The following EBAG9 variants were observed in gnomAD, a reference collection of about 807,000 sequenced individuals.
EBAG9 encodes the protein estrogen receptor binding site associated antigen 9, also known as receptor-binding cancer antigen expressed on SiSo cells.
In EBAG9, 16 loss-of-function variants were observed where a neutral mutation model predicts 30.9. The observed-to-expected ratio is 0.52, with a 90% confidence interval of 0.35 to 0.79. The LOEUF (loss-of-function observed/expected upper bound fraction) is 0.79. Among genes scored for constraint, EBAG9 ranks in the 30% least tolerant of loss-of-function variants. EBAG9 has a pLI of 0.01. For missense variants in EBAG9, 197 were observed against 242.1 expected, an observed-to-expected ratio of 0.81 and a Z score of 1.24; for synonymous variants, 93 against 82.8, an observed-to-expected ratio of 1.12 and a Z score of -0.67.
intron 1 of EBAG9, among the ~76,000 whole-genome samples, chr8:109,544,072 A>T (rs116220640): frequency 8.2e-4 from 123 of 150,878 alleles, no homozygotes; most frequent in African/African-American, 2.9e-3. Context: ...TAGTACAGGG[A>T]TGGTGTATTT....
Position 109,564,998 on chromosome 8 carries a change from A to G in EBAG9, c.*439A>G, listed in dbSNP as rs1443315258. 3.3e-5 allele frequency: 5 copies of G among 152,582 alleles called. No individual in the cohort carries two copies. Among genetic ancestry groups the G allele is most frequent in the Non-Finnish European group, 7.3e-5 (5 of 68,040 alleles). 9.5% of individuals were successfully genotyped at this position (152,582 alleles called of 1,614,324 possible). On this transcript the variant is annotated 3_prime_UTR_variant, in exon 7 of 7. Transcript: ENST00000337573. ...TCCATGGTTACCTGACCTAAATTAG[A>G]TAAATTGTAGGGCTTTAGCTTTCTT...
chr8:109,560,711 A>G lies in EBAG9; in HGVS notation c.430-127A>G, dbSNP rs908901035. 6.0e-6 allele frequency: 4 copies of G among 662,264 alleles called. No individual in the cohort carries two copies. The African/African-American group carries it at 7.3e-5, about 12-fold the overall frequency. 41.0% of individuals were successfully genotyped at this position (662,264 alleles called of 1,614,324 possible). ...ATCTGTGCCTTGTATAGGACAGGGT[A>G]AGGAAGCTGAGAAGACATAGGAGAA... On this transcript the variant is annotated intron_variant, in intron 5 of 6. Coordinates refer to ENST00000337573, the MANE Select transcript of EBAG9 (RefSeq NM_004215.5).
At chr8:109,541,281 G>A (rs1821269366) in intron 1 of EBAG9, among the ~76,000 whole-genome samples, 1 of 148,320 alleles carries the variant, frequency 6.7e-6, no homozygotes, top group African/African-American at 2.6e-5. Flanking sequence ...AGTAGCGTAA[G>A]ATACTTATCA....
At chr8:109,546,823 A>G (rs554082041) in intron 1 of EBAG9, among the ~76,000 whole-genome samples, 1 of 152,224 alleles carries the variant, frequency 6.6e-6, no homozygotes, top group East Asian at 1.9e-4. Flanking sequence ...CATTCAGTAT[A>G]ATTATTCTGA....
chr8:109,552,081 T>A (rs753726850), intron 2 of EBAG9, among the ~76,000 whole-genome samples: 73 of 152,050 alleles, frequency 4.8e-4, no homozygotes, highest in Non-Finnish European at 9.0e-4. Flanking sequence ...GCTCTTTTTT[T>A]AATATATATA....
intron 1 of EBAG9, among the ~76,000 whole-genome samples, chr8:109,544,832 G>C (rs1297278777): frequency 2.0e-5 from 3 of 152,062 alleles, no homozygotes; most frequent in Non-Finnish European, 4.4e-5. Flanking sequence ...GAGGCTCTTA[G>C]TCGGGACATT....
At chr8:109,548,007 C>T (rs961624112) in intron 1 of EBAG9, among the ~76,000 whole-genome samples, 2 of 151,978 alleles carry the variant, frequency 1.3e-5, no homozygotes, top group Non-Finnish European at 2.9e-5. Context: ...ATCCAATTTA[C>T]TAATCTTTTA....
chr8:109,550,762 C>A, intron 1 of EBAG9, 48 bp from the exon 2 acceptor site: 1 of 1,114,440 alleles, frequency 9.0e-7, no homozygotes, highest in Non-Finnish European at 1.3e-6. Flanking sequence ...AGGAGTATGA[C>A]TTTTGAAATC....
intron 5 of EBAG9, among the ~76,000 whole-genome samples, chr8:109,557,552 C>T (rs894255993): frequency 6.6e-6 from 1 of 152,094 alleles, no homozygotes; most frequent in African/African-American, 2.4e-5. Flanking sequence ...CAGACCCCTC[C>T]CTACCTAAGC....
intron 6 of EBAG9, 27 bp from the exon 7 acceptor site, chr8:109,564,412 T>C (rs1226760828): frequency 6.2e-7 from 1 of 1,606,066 alleles, no homozygotes. Flanking sequence ...TGGTATTTTC[T>C]AAAAGTAAAA....
chr8:109,544,145 G>A (rs949169992), intron 1 of EBAG9, among the ~76,000 whole-genome samples: 5 of 151,724 alleles, frequency 3.3e-5, no homozygotes, highest in African/African-American at 1.2e-4. Context: ...CTCATGTAAG[G>A]TAATTAAAAA....
chr8:109,547,663 G>C (rs1051838422), intron 1 of EBAG9, among the ~76,000 whole-genome samples: 1 of 151,874 alleles, frequency 6.6e-6, no homozygotes, highest in East Asian at 1.9e-4. Flanking sequence ...TGTATTTTTA[G>C]TAGAGACAGG....
At chr8:109,560,707 G>T in intron 5 of EBAG9, 131 bp from the exon 6 acceptor site, 1 of 654,080 alleles carries the variant, frequency 1.5e-6, no homozygotes, top group Non-Finnish European at 2.6e-6. Flanking sequence ...GTATAGGACA[G>T]GGTAAGGAAG....
In EBAG9 at chr8:109,555,023, G is replaced by T. The variant is rs1821570160; in HGVS notation, c.321+136G>T. On this transcript the variant is annotated intron_variant, in intron 4 of 6. Coordinates refer to ENST00000337573, the MANE Select transcript of EBAG9 (RefSeq NM_004215.5). Reference sequence around the variant, plus strand: ...TAATACTTTAAGTTTTAGGGTACATGTGCACAACATGCAGGTTAGTTACAT... The same window carrying T: ...TAATACTTTAAGTTTTAGGGTACATTTGCACAACATGCAGGTTAGTTACAT... 7.0e-6 allele frequency: 6 copies of T among 861,872 alleles called. No individual in the cohort carries two copies. In the Admixed American group the frequency reaches 1.8e-4, roughly 25 times the overall value. 53.4% of individuals were successfully genotyped at this position (861,872 alleles called of 1,614,324 possible).
intron 1 of EBAG9, among the ~76,000 whole-genome samples, chr8:109,549,616 C>T (rs1821453811): frequency 6.6e-6 from 1 of 151,846 alleles, no homozygotes; most frequent in Non-Finnish European, 1.5e-5. Flanking sequence ...GGAAGTTGTC[C>T]ATTTCATCTC....
At chr8:109,545,029 A>T (rs1279614447) in intron 1 of EBAG9, among the ~76,000 whole-genome samples, 1 of 152,186 alleles carries the variant, frequency 6.6e-6, no homozygotes, top group Non-Finnish European at 1.5e-5. Context: ...AACCATGTTT[A>T]AAAAGGATAC....
At chr8:109,545,926 G>A (rs1456528055) in intron 1 of EBAG9, among the ~76,000 whole-genome samples, 1 of 152,206 alleles carries the variant, frequency 6.6e-6, no homozygotes, top group Non-Finnish European at 1.5e-5. Context: ...AGACAAAATA[G>A]TACTTGCTTC....
chr8:109,543,494 GTGTT>G (rs1368541942), intron 1 of EBAG9, among the ~76,000 whole-genome samples: 1 of 151,988 alleles, frequency 6.6e-6, no homozygotes, highest in Non-Finnish European at 1.5e-5. Flanking sequence ...TATTTTTTAT[GTGTT>G]TGTTTGGAAC....
At chr8:109,556,769 TACA>T (rs1274566937) in intron 4 of EBAG9, among the ~76,000 whole-genome samples, 163 bp from the exon 5 acceptor site, 2 of 152,158 alleles carry the variant, frequency 1.3e-5, no homozygotes, top group African/African-American at 4.8e-5. Context: ...AACTGATTTG[TACA>T]ACAATTCCCT....
Sources: gnomAD v4.1 joint callset for allele counts (sites outside exome capture counted in the v4.1 genomes callset) on GRCh38, gnomAD v4.1.1 for gene constraint, MANE v1.5 for transcripts, NCBI Gene and HGNC (gene_info 2026-07-23, HGNC 2026-07-21) for gene names.